Variants in SPARCL1 observed in about 807,000 individuals in gnomAD.
The protein encoded by SPARCL1 is SPARC like 1.
SPARCL1 carries 52 observed loss-of-function variants against 67.1 expected under a neutral mutation model. The ratio of observed to expected loss-of-function variants is 0.78; its 90% CI spans 0.62 to 0.98. The LOEUF is 0.98. Among genes scored for constraint, SPARCL1 ranks in the 50% least tolerant of loss-of-function variants. The pLI is 0.00. For missense variants in SPARCL1, 717 were observed against 782.4 expected, an observed-to-expected ratio of 0.92 and a Z score of 1.00; for synonymous variants, 226 against 267.8, an observed-to-expected ratio of 0.84 and a Z score of 1.52.
rs58264589 is a variant in SPARCL1 at position 87,491,949 on chromosome 4, C to A, written c.1219-259G>T. On this transcript the variant is annotated intron_variant, in intron 4 of 10. Coordinates refer to ENST00000282470, the MANE Select transcript of SPARCL1 (RefSeq NM_004684.6). ...GGGAAACTCCATCTCTACCCACCCC[C>A]CCCCCCAAAAAAAAAAAAATTAGCT... Among the ~76,000 whole-genome samples the A allele has an allele frequency of 9.9e-4, 70 of 70,362 alleles. 5 individuals are homozygous for A. In the East Asian group the frequency reaches 0.025, roughly 25 times the overall value. 46.2% of individuals were successfully genotyped at this position (70,362 alleles called of 152,430 possible). A position where few individuals can be genotyped will look rare whatever the true frequency, so the allele number is the denominator to read the frequency against.
At position 87,483,098 on chromosome 4, in the gene SPARCL1, T is replaced by A. The variant is rs74469747; in HGVS notation, c.1532-538A>T. Among the ~76,000 whole-genome samples, 172 of 145,160 alleles carry A rather than the reference T, an allele frequency of 1.2e-3. 2 individuals carry two copies. The Middle Eastern group carries it at 0.018, about 15-fold the overall frequency. On this transcript the variant is annotated intron_variant, in intron 7 of 10. Transcript: ENST00000282470. ...GATCACTGCCGTTTTTTTTTTTTTT[T>A]AATTATACTTTAAGTTCTGAGATAC... is the stretch of plus-strand genomic sequence containing the variant.
chr4:87,477,565 G>A (rs7688273), intron 10 of SPARCL1, among the ~76,000 whole-genome samples: 4,613 of 152,170 alleles, frequency 0.03, 128 homozygotes, highest in African/African-American at 0.059. Flanking sequence ...CTCTCTTTCT[G>A]CCTGGTCACT....
In SPARCL1 at chr4:87,490,309, G is replaced by A; in HGVS notation, c.1495C>T (p.His499Tyr). Residue 499 changes from histidine (H) to tyrosine (Y), a missense_variant, in exon 7 of 11, where the codon CAT becomes TAT. Coordinates refer to ENST00000282470, the MANE Select transcript of SPARCL1 (RefSeq NM_004684.6). Reference protein sequence around the residue: ...KCRLEGTKKGHQLQLDYFGAC... With the variant: ...KCRLEGTKKGYQLQLDYFGAC... ...CCAAAATAATCCAGCTGGAGTTGAT[G>A]CCCCTTTTTGGTCCCCTCCAGTCTG... is the stretch of plus-strand genomic sequence containing the variant. 1 of 1,613,142 alleles carries A rather than the reference G, an allele frequency of 6.2e-7. No individual in the cohort carries two copies. The highest frequency in any genetic ancestry group is 1.1e-5 in the South Asian group (1 of 90,878).
rs376221901 is a variant in SPARCL1 at position 87,479,403 on chromosome 4, C to G, written c.1966+27G>C. The stretch of plus-strand genomic sequence containing the variant: ...GGCTTGTCTGAGGAAGAAGACATCC[C>G]TCTTCTTTGGCTGGTGATGAATTTA... On this transcript the variant is annotated intron_variant, in intron 10 of 10. Coordinates refer to ENST00000282470, the MANE Select transcript of SPARCL1 (RefSeq NM_004684.6). 1.8e-5 allele frequency: 29 copies of G among 1,604,710 alleles called. No individual in the cohort carries two copies. In the African/African-American group the frequency reaches 3.6e-4, roughly 20 times the overall value.
At chr4:87,483,435 CATAGT>C (rs1723914181) in intron 7 of SPARCL1, among the ~76,000 whole-genome samples, 1 of 152,172 alleles carries the variant, frequency 6.6e-6, no homozygotes. Flanking sequence ...TTTATGGCTG[CATAGT>C]ATTCCATGGT....
At chr4:87,505,271 T>C (rs1725027942) in intron 1 of SPARCL1, among the ~76,000 whole-genome samples, 1 of 152,168 alleles carries the variant, frequency 6.6e-6, no homozygotes, top group African/African-American at 2.4e-5. Flanking sequence ...CTGCTATCTT[T>C]TCCCCTTAAA....
At chr4:87,522,505 C>T (rs967498239) in intron 1 of SPARCL1, among the ~76,000 whole-genome samples, 1 of 151,790 alleles carries the variant, frequency 6.6e-6, no homozygotes, top group Non-Finnish European at 1.5e-5. Context: ...ACTGCTCTGC[C>T]CTTGCTCTCG....
At chr4:87,508,985 C>T (rs1725235301) in intron 1 of SPARCL1, among the ~76,000 whole-genome samples, 1 of 146,914 alleles carries the variant, frequency 6.8e-6, no homozygotes, top group South Asian at 2.1e-4. Flanking sequence ...TAAATGTATA[C>T]TATATGTGTA....
rs1724290491 is a variant in SPARCL1 at position 87,490,769 on chromosome 4, G to A, written c.1401C>T (p.Pro467=). Residue 467 remains proline (P), a synonymous_variant, in exon 6 of 11, where the codon CCC becomes CCT. Coordinates refer to ENST00000282470, the MANE Select transcript of SPARCL1 (RefSeq NM_004684.6). ...TTTGCAGAATACTTACTTGATCAAG[G>A]GGTTTTGTTGGAGGACAAGTCACTG... ...QDPVTCPPTK[P]LDQVCGTDNQ... is the part of the protein sequence containing the mutation. 1.2e-6 allele frequency: 2 copies of A among 1,600,966 alleles called. No homozygotes were observed. Among genetic ancestry groups the A allele is most frequent in the Non-Finnish European group, 8.5e-7 (1 of 1,170,760 alleles).
chr4:87,494,090 T>C lies in SPARCL1; in HGVS notation c.710A>G (p.Asn237Ser), dbSNP rs1412295148. ...TTCCAAAATATCATCAGATTGGGTA[T>C]TGTCTTCCTCCTGCTTGCTGTTAGC... is the stretch of plus-strand genomic sequence containing the variant. ...EHANSKQEED[N>S]TQSDDILEES... Residue 237 changes from asparagine (N) to serine (S), a missense_variant, in exon 4 of 11, where the codon AAT becomes AGT. Transcript: ENST00000282470. 2 of 1,613,914 alleles carry C rather than the reference T, an allele frequency of 1.2e-6. No individual in the cohort carries two copies. Among genetic ancestry groups the C allele is most frequent in the African/African-American group, 2.7e-5 (2 of 74,934 alleles).
At chr4:87,474,317 T>G (rs1217187187) in intron 10 of SPARCL1, among the ~76,000 whole-genome samples, 1 of 152,158 alleles carries the variant, frequency 6.6e-6, no homozygotes, top group Non-Finnish European at 1.5e-5. Context: ...CAAACTATTA[T>G]ACTACTCTGT....
intron 1 of SPARCL1, among the ~76,000 whole-genome samples, chr4:87,505,486 C>T (rs1725035594): frequency 6.6e-6 from 1 of 152,012 alleles, no homozygotes; most frequent in Non-Finnish European, 1.5e-5. Flanking sequence ...TCAATGTTTA[C>T]TTATTTATTC....
chr4:87,495,569 A>G (rs1724582686), intron 2 of SPARCL1, among the ~76,000 whole-genome samples: 1 of 152,236 alleles, frequency 6.6e-6, no homozygotes, highest in African/African-American at 2.4e-5. Flanking sequence ...AGAAAAATTT[A>G]TAAACTTTTT....
intron 9 of SPARCL1, among the ~76,000 whole-genome samples, chr4:87,479,867 C>G (rs1723736535): frequency 6.6e-6 from 1 of 152,080 alleles, no homozygotes; most frequent in Admixed American, 6.6e-5. Flanking sequence ...CATCTACTGG[C>G]CATACCTGAT....
chr4:87,508,782 A>ATGTATG (rs1725220138), intron 1 of SPARCL1, among the ~76,000 whole-genome samples: 1 of 140,098 alleles, frequency 7.1e-6, no homozygotes. Context: ...GATGAAACAT[A>ATGTATG]TGTGTGTGTG....
chr4:87,523,947 T>C (rs1212256432), intron 1 of SPARCL1, among the ~76,000 whole-genome samples: 4 of 152,236 alleles, frequency 2.6e-5, no homozygotes, highest in African/African-American at 9.6e-5. Context: ...AATGACCATT[T>C]TCATAACTAC....
intron 1 of SPARCL1, among the ~76,000 whole-genome samples, chr4:87,501,514 T>C (rs1724848329): frequency 6.6e-6 from 1 of 152,240 alleles, no homozygotes; most frequent in East Asian, 1.9e-4. Flanking sequence ...AGTATTTTTT[T>C]CTCAGAATTT....
At chr4:87,503,682 C>CTT (rs375553104) in intron 1 of SPARCL1, among the ~76,000 whole-genome samples, 34,148 of 131,910 alleles carry the variant, frequency 0.26, 4,870 homozygotes, top group East Asian at 0.59. Context: ...TTTTTTTTTT[C>CTT]CTTTTTTTTT....
chr4:87,474,751 T>G lies in SPARCL1; in HGVS notation c.1967-948A>C, dbSNP rs542244557. Among the ~76,000 whole-genome samples the G allele has an allele frequency of 8.0e-4, 121 of 150,526 alleles. 1 individual carries two copies. The highest frequency in any genetic ancestry group is 2.8e-3 in the African/African-American group (113 of 40,784). ...AAGATTTCTCTCTCTCTCTTTTTTT[T>G]TTTTTTTTTGAGACGGAGTCTCGCT... On this transcript the variant is annotated intron_variant, in intron 10 of 10. Transcript: ENST00000282470.
Sources: allele counts gnomAD v4.1 joint callset (sites outside exome capture counted in the v4.1 genomes callset), GRCh38; gene constraint gnomAD v4.1.1; transcripts MANE v1.5; gene names NCBI Gene and HGNC (gene_info 2026-07-23, HGNC 2026-07-21).